The following SDK1 variants were observed in gnomAD, a reference collection of about 807,000 sequenced individuals.
The protein encoded by SDK1 is protein sidekick-1.
In SDK1, 157 loss-of-function variants were observed where a neutral mutation model predicts 245.5. That is an observed-to-expected ratio of 0.64 (90% CI 0.56 to 0.73). The LOEUF is 0.73. SDK1 is among the 30% of genes least tolerant of loss of function. The probability of loss-of-function intolerance (pLI) is 0.00; values close to 1 mark genes in which losing one functional copy is unlikely to be tolerated. For synonymous variants in SDK1, 1,647 were observed against 1,278.5 expected, an observed-to-expected ratio of 1.29 and a Z score of -6.15; for missense variants, 3,583 against 3,002.3, an observed-to-expected ratio of 1.19 and a Z score of -4.52.
At chr7:3,814,863 C>G (rs565953619) in intron 4 of SDK1, among the ~76,000 whole-genome samples, 159 of 151,926 alleles carry the variant, frequency 1.0e-3, no homozygotes, top group African/African-American at 3.6e-3. Flanking sequence ...GTATTTTATT[C>G]TCTTTGAAGC....
intron 4 of SDK1, among the ~76,000 whole-genome samples, chr7:3,718,812 A>G (rs1192273706): frequency 2.0e-5 from 3 of 152,130 alleles, no homozygotes; most frequent in African/African-American, 7.2e-5. Flanking sequence ...AAGGCATCCA[A>G]GTTTGAAAGG....
At chr7:3,737,995 G>A (rs10480094) in intron 4 of SDK1, among the ~76,000 whole-genome samples, 17,857 of 152,176 alleles carry the variant, frequency 0.12, 1,534 homozygotes, top group African/African-American at 0.24. Flanking sequence ...TTTCCACAAA[G>A]GTGTTTTGTC....
intron 5 of SDK1, among the ~76,000 whole-genome samples, chr7:3,866,634 T>TCCCCTG (rs1240392899): frequency 1.3e-5 from 2 of 152,096 alleles, no homozygotes; most frequent in Non-Finnish European, 1.5e-5. Context: ...GGTCGTGGAC[T>TCCCCTG]CCCCTGCCCC....
At chr7:3,525,835 T>A (rs1035660446) in intron 1 of SDK1, among the ~76,000 whole-genome samples, 1 of 152,176 alleles carries the variant, frequency 6.6e-6, no homozygotes, top group African/African-American at 2.4e-5. Flanking sequence ...AGTGTAATAA[T>A]TTGTCTTATT....
chr7:3,688,676 G>A (rs1784357132), intron 4 of SDK1, among the ~76,000 whole-genome samples: 1 of 152,208 alleles, frequency 6.6e-6, no homozygotes, highest in South Asian at 2.1e-4. Context: ...GTATGTTGGA[G>A]TAGATAGTAT....
chr7:3,434,149 A>G (rs114346833), intron 1 of SDK1, among the ~76,000 whole-genome samples: 1,641 of 152,210 alleles, frequency 0.011, 41 homozygotes, highest in African/African-American at 0.038. Context: ...GTATTTTGTG[A>G]TGATTTTTTT....
intron 17 of SDK1, among the ~76,000 whole-genome samples, chr7:4,030,365 A>G (rs1010710683): frequency 6.6e-6 from 1 of 152,250 alleles, no homozygotes; most frequent in Non-Finnish European, 1.5e-5. Context: ...GCTCAAAGAA[A>G]GATTTCAGTT....
intron 2 of SDK1, among the ~76,000 whole-genome samples, chr7:3,631,220 C>T (rs1226410247): frequency 6.6e-6 from 1 of 152,210 alleles, no homozygotes. Flanking sequence ...AGATGTGAGC[C>T]ACCACACTCA....
chr7:3,591,908 G>C (rs1377593590), intron 1 of SDK1, among the ~76,000 whole-genome samples: 2 of 152,224 alleles, frequency 1.3e-5, no homozygotes, highest in Admixed American at 6.5e-5. Context: ...TCTGAAGTTT[G>C]AGAGGACTGG....
In SDK1 at chr7:4,268,848, G is replaced by A; in HGVS notation, c.*3464G>A. ...CTTCCCGCGTCACCTTCTGGTTTAG[G>A]GAGCCGTCAGGTCCCTAAACGTTCC... On this transcript the variant is annotated 3_prime_UTR_variant, in exon 45 of 45. Transcript: ENST00000404826. The A allele has an allele frequency of 4.8e-6, 4 of 824,990 alleles. No individual in the cohort carries two copies. In the South Asian group the frequency reaches 5.4e-5, roughly 11 times the overall value. 51.1% of individuals were successfully genotyped at this position (824,990 alleles called of 1,614,324 possible).
chr7:3,656,296 T>G (rs1241238972), intron 4 of SDK1, among the ~76,000 whole-genome samples: 1 of 152,194 alleles, frequency 6.6e-6, no homozygotes, highest in Admixed American at 6.5e-5. Flanking sequence ...TTTTGCTGCC[T>G]GTGTATCTGC....
At position 4,158,447 on chromosome 7, in the gene SDK1, G is replaced by C; in HGVS notation, c.4626-1G>C. ...CAGTCACGGTCTCTTCCACATTGCA[G>C]ACTGAGGCCCTTCACCTCCTACAAG... On this transcript the variant is annotated splice_acceptor_variant, in intron 30 of 44. Coordinates refer to ENST00000404826, the MANE Select transcript of SDK1 (RefSeq NM_152744.4). LOFTEE classifies it high-confidence loss of function. The C allele has an allele frequency of 6.2e-7, 1 of 1,612,164 alleles. No homozygotes were observed. The highest frequency in any genetic ancestry group is 1.3e-5 in the African/African-American group (1 of 75,016).
chr7:4,234,556 T>C (rs981008934), intron 41 of SDK1, among the ~76,000 whole-genome samples: 1 of 151,932 alleles, frequency 6.6e-6, no homozygotes, highest in Non-Finnish European at 1.5e-5. Context: ...TGAAGAGCCG[T>C]GGGTGGGGGA....
At chr7:3,559,475 A>T (rs1324698701) in intron 1 of SDK1, among the ~76,000 whole-genome samples, 1 of 151,508 alleles carries the variant, frequency 6.6e-6, no homozygotes, top group Non-Finnish European at 1.5e-5. Flanking sequence ...GAATGTTTCA[A>T]ATTTTTTTTT....
At chr7:3,797,990 G>GATTTCTGT (rs958725032) in intron 4 of SDK1, among the ~76,000 whole-genome samples, 3 of 152,046 alleles carry the variant, frequency 2.0e-5, no homozygotes, top group Non-Finnish European at 2.9e-5. Flanking sequence ...CCTTCACACA[G>GATTTCTGT]ATTTCTGTAA....
chr7:3,393,191 T>TG (rs1781806076), intron 1 of SDK1, among the ~76,000 whole-genome samples: 1 of 151,844 alleles, frequency 6.6e-6, no homozygotes, highest in African/African-American at 2.4e-5. Context: ...AGCCTGGTCT[T>TG]GAACTCCTGA....
At chr7:3,904,865 C>T (rs138274937) in intron 5 of SDK1, among the ~76,000 whole-genome samples, 2,505 of 151,708 alleles carry the variant, frequency 0.017, 73 homozygotes, top group African/African-American at 0.056. Context: ...TGGTGGTGGG[C>T]GCCTGTAGTC....
At chr7:3,413,745 T>C (rs771851393) in intron 1 of SDK1, among the ~76,000 whole-genome samples, 29 of 152,130 alleles carry the variant, frequency 1.9e-4, no homozygotes, top group Admixed American at 7.2e-4. Flanking sequence ...ACCTGCACTT[T>C]GCGAGGCCAT....
intron 44 of SDK1, among the ~76,000 whole-genome samples, chr7:4,260,990 G>A (rs2128243706): frequency 6.6e-6 from 1 of 152,312 alleles, no homozygotes; most frequent in Non-Finnish European, 1.5e-5. Flanking sequence ...TGTACCATAA[G>A]CCAAACAGTT....
Sources: allele counts gnomAD v4.1 joint callset (sites outside exome capture counted in the v4.1 genomes callset), GRCh38; gene constraint gnomAD v4.1.1; transcripts MANE v1.5; gene names NCBI Gene and HGNC (gene_info 2026-07-23, HGNC 2026-07-21).